The following CNIH3 variants were observed in gnomAD, a reference collection of about 807,000 sequenced individuals.
CNIH3 encodes the protein cornichon family AMPA receptor auxiliary protein 3, also known as protein cornichon homolog 3.
A neutral mutation model predicts 24.1 loss-of-function variants in CNIH3; 14 were observed. The observed-to-expected ratio is 0.58, with a 90% CI of 0.38 to 0.91. The LOEUF is 0.91. Ranked by LOEUF, CNIH3 falls within the 40% of genes least tolerant of loss-of-function variation. CNIH3 has a pLI of 0.00. For missense variants in CNIH3, 178 were observed against 196.8 expected, an observed-to-expected ratio of 0.90 and a Z score of 0.57; for synonymous variants, 68 against 73.8, an observed-to-expected ratio of 0.92 and a Z score of 0.40.
intron 3 of CNIH3, among the ~76,000 whole-genome samples, chr1:224,697,602 C>T (rs1687244390): frequency 6.6e-6 from 1 of 152,134 alleles, no homozygotes. Context: ...ATCCACGAGC[C>T]ACGTGCTTTT....
chr1:224,700,436 GA>G (rs1341686265), intron 3 of CNIH3, among the ~76,000 whole-genome samples: 1 of 152,182 alleles, frequency 6.6e-6, no homozygotes, highest in African/African-American at 2.4e-5. Flanking sequence ...AGTTTTCATG[GA>G]AACAACATCC....
At chr1:224,645,838 A>G (rs1684580795) in intron 1 of CNIH3, among the ~76,000 whole-genome samples, 1 of 152,202 alleles carries the variant, frequency 6.6e-6, no homozygotes, top group African/African-American at 2.4e-5. Context: ...ATCTCGCTCC[A>G]AGGGAATTAA....
intron 1 of CNIH3, among the ~76,000 whole-genome samples, chr1:224,626,113 G>GA (rs747817481): frequency 3.2e-4 from 48 of 152,150 alleles, no homozygotes; most frequent in Non-Finnish European, 7.4e-5. Context: ...AGGGTCTTTA[G>GA]AAAAATAAGC....
At chr1:224,511,077 C>G (rs1489316108), upstream of CNIH3, among the ~76,000 whole-genome samples, 1 of 152,170 alleles carries the variant, frequency 6.6e-6, no homozygotes, top group Non-Finnish European at 1.5e-5. Context: ...GGAGGCTGAC[C>G]TCTCTGAAAG....
intron 3 of CNIH3, among the ~76,000 whole-genome samples, chr1:224,727,918 G>A (rs901416198): frequency 6.6e-6 from 1 of 152,070 alleles, no homozygotes; most frequent in Non-Finnish European, 1.5e-5. Context: ...CAAAAGGCTG[G>A]AGACCTCCGT....
chr1:224,577,302 T>A (rs973736456), intron 4 of CNIH3, among the ~76,000 whole-genome samples: 1 of 152,072 alleles, frequency 6.6e-6, no homozygotes, highest in Admixed American at 6.6e-5. Flanking sequence ...ATTCACAAAC[T>A]GTGCATCTGA....
intron 4 of CNIH3, chr1:224,574,693 G>T: frequency 1.7e-6 from 2 of 1,156,168 alleles, no homozygotes; most frequent in Non-Finnish European, 2.6e-6. Flanking sequence ...CATGAGAAGG[G>T]CCTGGTGAAA....
intron 1 of CNIH3, among the ~76,000 whole-genome samples, chr1:224,624,782 A>G (rs1444400578): frequency 6.6e-6 from 1 of 152,198 alleles, no homozygotes; most frequent in Non-Finnish European, 1.5e-5. Context: ...TTCAAAGTTT[A>G]GAGGGCTGGG....
At chr1:224,490,384 T>C (rs1468631936) in intron 1 of CNIH3, among the ~76,000 whole-genome samples, 1 of 152,218 alleles carries the variant, frequency 6.6e-6, no homozygotes, top group African/African-American at 2.4e-5. Flanking sequence ...AGAGTAATCC[T>C]GGTTTTTGTG....
At chr1:224,546,529 A>G (rs1246370005) in intron 2 of CNIH3, among the ~76,000 whole-genome samples, 1 of 152,132 alleles carries the variant, frequency 6.6e-6, no homozygotes, top group East Asian at 1.9e-4. Flanking sequence ...GAGGTCACAG[A>G]GGTGTGGTGG....
At chr1:224,446,874 G>C (rs1252263213) in intron 1 of CNIH3, among the ~76,000 whole-genome samples, 1 of 152,100 alleles carries the variant, frequency 6.6e-6, no homozygotes, top group Non-Finnish European at 1.5e-5. Flanking sequence ...ACTGGACCCA[G>C]CTGAGCCCGT....
chr1:224,491,146 T>C (rs535647273), intron 1 of CNIH3, among the ~76,000 whole-genome samples: 1 of 152,204 alleles, frequency 6.6e-6, no homozygotes. Context: ...TCAGGCCATA[T>C]TTAGTTTGCT....
intron 3 of CNIH3, among the ~76,000 whole-genome samples, chr1:224,551,062 AGGAAACAACAGGTGCT>A (rs1558151873): frequency 6.6e-6 from 1 of 152,106 alleles, no homozygotes; most frequent in African/African-American, 2.4e-5. Context: ...TTAAAAAGTC[AGGAAACAACAGGTGCT>A]GGAGAGGATG....
intron 3 of CNIH3, among the ~76,000 whole-genome samples, chr1:224,710,995 T>A (rs1688108770): frequency 1.3e-5 from 2 of 152,170 alleles, no homozygotes; most frequent in Admixed American, 1.3e-4. Context: ...CAACCTTGAG[T>A]TCCCCACACA....
At chr1:224,564,999 C>A (rs1680522863) in intron 3 of CNIH3, among the ~76,000 whole-genome samples, 1 of 152,202 alleles carries the variant, frequency 6.6e-6, no homozygotes, top group South Asian at 2.1e-4. Flanking sequence ...TCTCACATCA[C>A]AAATGACCCT....
chr1:224,562,019 A>C (rs549282139), intron 3 of CNIH3, among the ~76,000 whole-genome samples: 3,082 of 152,298 alleles, frequency 0.02, 107 homozygotes, highest in African/African-American at 0.07. Context: ...GACACCTCCA[A>C]CATTGAGACT....
intron 2 of CNIH3, 127 bp downstream of exon 2, chr1:224,681,153 A>G: frequency 3.8e-6 from 3 of 789,428 alleles, no homozygotes; most frequent in Admixed American, 2.1e-5. Context: ...GTGCCTCTCT[A>G]CCTGGCTCAA....
At chr1:224,691,042 G>A (rs1306807458) in intron 3 of CNIH3, among the ~76,000 whole-genome samples, 2 of 152,250 alleles carry the variant, frequency 1.3e-5, no homozygotes, top group African/African-American at 4.8e-5. Flanking sequence ...GGGGTTGGAA[G>A]AGATGGGAAG....
intron 3 of CNIH3, among the ~76,000 whole-genome samples, chr1:224,549,161 TA>T (rs1424755999): frequency 1.3e-5 from 2 of 151,990 alleles, no homozygotes; most frequent in Non-Finnish European, 2.9e-5. Context: ...GGGGATGTTA[TA>T]AAAATATCAG....
Sources: allele counts gnomAD v4.1 joint callset (sites outside exome capture counted in the v4.1 genomes callset), GRCh38; gene constraint gnomAD v4.1.1; transcripts MANE v1.5; gene names NCBI Gene and HGNC (gene_info 2026-07-23, HGNC 2026-07-21).